The following TBC1D9B variants were observed in gnomAD, a reference collection of about 807,000 sequenced individuals.
The protein encoded by TBC1D9B is TBC1 domain family member 9B.
A neutral mutation model predicts 121.1 loss-of-function variants in TBC1D9B; 87 were observed. The observed-to-expected ratio is 0.72, with a 90% confidence interval of 0.60 to 0.86. The LOEUF (loss-of-function observed/expected upper bound fraction) is 0.86. TBC1D9B is among the 40% of genes least tolerant of loss of function. TBC1D9B has a pLI of 0.00. For synonymous variants in TBC1D9B, 668 were observed against 670.1 expected, an observed-to-expected ratio of 1.00 and a Z score of 0.05; for missense variants, 1,540 against 1,628.6, an observed-to-expected ratio of 0.95 and a Z score of 0.94.
chr5:179,904,916 AG>A lies in TBC1D9B; in HGVS notation c.119-105del. The A allele has an allele frequency of 2.3e-6, 2 of 864,322 alleles. No homozygotes were observed. Among genetic ancestry groups the A allele is most frequent in the Non-Finnish European group, 3.5e-6 (2 of 568,574 alleles). The allele number at this position is 864,322 out of a possible 1,614,324, so 53.5% of individuals were successfully genotyped here. The stretch of plus-strand genomic sequence containing the variant: ...CAGACAGGATGGTGACGCTACCCAA[AG>A]GGTCCAGCCCAACGAGGGAAACGTC... On this transcript the variant is annotated intron_variant, in intron 1 of 20. Coordinates refer to ENST00000355235, the MANE Select transcript of TBC1D9B (RefSeq NM_015043.4). The surrounding 1 kb of genome is among the most constrained non-coding windows in gnomAD (Gnocchi z 4.2).
chr5:179,901,123 A>G (rs1249684673), intron 2 of TBC1D9B, among the ~76,000 whole-genome samples: 1 of 152,208 alleles, frequency 6.6e-6, no homozygotes, highest in African/African-American at 2.4e-5. Context: ...GGCCTGGGGG[A>G]GGATGCCCAC....
At chr5:179,867,991 C>G (rs559002464) in intron 17 of TBC1D9B, 142 bp from the exon 18 acceptor site, 2 of 608,054 alleles carry the variant, frequency 3.3e-6, no homozygotes, top group Non-Finnish European at 5.1e-6. Flanking sequence ...TGACAGTGCC[C>G]GGTAATAGTT....
At position 179,902,407 on chromosome 5, in the gene TBC1D9B, GACTC is replaced by G. The variant is rs1761189101; in HGVS notation, c.229+2291_229+2294del. Among the ~76,000 whole-genome samples, 3 of 152,336 alleles carry G rather than the reference GACTC, an allele frequency of 2.0e-5. No homozygotes were observed. Among genetic ancestry groups the G allele is most frequent in the Admixed American group, 2.0e-4 (3 of 15,310 alleles). ...CTCGAACACCAGGCTCAAGGGTCAG[GACTC>G]ACTAAGCAGGTGCTGGCAGGGCCAT... On this transcript the variant is annotated intron_variant, in intron 2 of 20. Transcript: ENST00000355235. This position sits in a 1 kb window ranked among gnomAD's most constrained non-coding sequence, Gnocchi z 4.9.
chr5:179,893,528 C>T, intron 4 of TBC1D9B, 61 bp from the exon 5 acceptor site: 1 of 1,541,646 alleles, frequency 6.5e-7, no homozygotes, highest in South Asian at 1.2e-5. Context: ...GCTCCTGATG[C>T]CCATCTGTAC....
chr5:179,901,016 C>T (rs960691670), intron 2 of TBC1D9B, among the ~76,000 whole-genome samples: 2 of 152,172 alleles, frequency 1.3e-5, no homozygotes, highest in Non-Finnish European at 2.9e-5. Flanking sequence ...TGTCACAGCC[C>T]GGCTGTTCTG....
chr5:179,876,058 C>T (rs371085267), intron 10 of TBC1D9B, 21 bp from the exon 11 acceptor site: 233 of 1,606,796 alleles, frequency 1.5e-4, no homozygotes, highest in Admixed American at 3.5e-4. Flanking sequence ...CAGAGACAGC[C>T]GGGGAAGGCT....
intron 6 of TBC1D9B, among the ~76,000 whole-genome samples, chr5:179,889,949 T>A (rs1486918287): frequency 2.0e-5 from 3 of 146,396 alleles, no homozygotes; most frequent in Non-Finnish European, 4.5e-5. Context: ...GATGATGGTG[T>A]CTTAGGTGGT....
At chr5:179,871,104 A>G (rs997645134) in intron 15 of TBC1D9B, among the ~76,000 whole-genome samples, 3 of 152,218 alleles carry the variant, frequency 2.0e-5, no homozygotes, top group Non-Finnish European at 4.4e-5. Flanking sequence ...AGAGGACATC[A>G]GAGATGGGGA....
At position 179,879,157 on chromosome 5, in the gene TBC1D9B, A is replaced by T; in HGVS notation, c.1457T>A (p.Phe486Tyr). The T allele has an allele frequency of 6.2e-7, 1 of 1,606,072 alleles. No individual in the cohort carries two copies. The highest frequency in any genetic ancestry group is 1.3e-5 in the African/African-American group (1 of 75,034). ...GCACACGCCACGCCCGTACTCGAAG[A>T]AGTGGATGTGCCATGACTCCTCTTT... ...KMKEESWHIH[F>Y]FEYGRGVCMY... The change falls in exon 9 of 21, where the codon TTC becomes TAC. Residue 486 changes from phenylalanine to tyrosine, a missense_variant. Coordinates refer to ENST00000355235, the MANE Select transcript of TBC1D9B (RefSeq NM_015043.4).
At chr5:179,869,353 G>A (rs1388882436) in intron 17 of TBC1D9B, 2 of 362,998 alleles carry the variant, frequency 5.5e-6, no homozygotes, top group Non-Finnish European at 1.1e-5. Flanking sequence ...AGAGGCCAGA[G>A]AGAAGTGGCC....
intron 15 of TBC1D9B, among the ~76,000 whole-genome samples, chr5:179,871,182 G>A (rs979472869): frequency 1.3e-4 from 20 of 152,178 alleles, no homozygotes; most frequent in Admixed American, 7.2e-4. Flanking sequence ...AGACTTTTCA[G>A]TCTAGCAATA....
At chr5:179,892,547 C>T (rs529187281) in intron 5 of TBC1D9B, among the ~76,000 whole-genome samples, 37 of 152,356 alleles carry the variant, frequency 2.4e-4, no homozygotes, top group African/African-American at 8.4e-4. Context: ...CGTTAAGTAG[C>T]CCGGGAGGGC....
chr5:179,871,340 CTGTT>C, intron 15 of TBC1D9B, 118 bp downstream of exon 15: 7 of 992,054 alleles, frequency 7.1e-6, no homozygotes, highest in Non-Finnish European at 1.0e-5. Flanking sequence ...AGATCTGTTT[CTGTT>C]TTTCTATTCT....
intron 16 of TBC1D9B, 132 bp downstream of exon 16, chr5:179,870,123 T>C: frequency 1.4e-6 from 2 of 1,448,986 alleles, no homozygotes; most frequent in Non-Finnish European, 1.9e-6. Context: ...GTTCTTCCCG[T>C]ATCTAGGGCC....
intron 3 of TBC1D9B, among the ~76,000 whole-genome samples, chr5:179,897,661 T>C (rs1021815792): frequency 6.6e-6 from 1 of 152,252 alleles, no homozygotes; most frequent in Non-Finnish European, 1.5e-5. Context: ...ATTTCTTCCT[T>C]GGCCTATGAG....
chr5:179,870,090 A>T (rs1257563683), intron 16 of TBC1D9B, among the ~76,000 whole-genome samples, 165 bp downstream of exon 16: 1 of 152,028 alleles, frequency 6.6e-6, no homozygotes, highest in African/African-American at 2.4e-5. Context: ...GCTGGACCCC[A>T]TCTCGGCTCC....
At chr5:179,868,130 T>C (rs1760076682) in intron 17 of TBC1D9B, 1 of 248,508 alleles carries the variant, frequency 4.0e-6, no homozygotes, top group Non-Finnish European at 7.7e-6. Context: ...CTCCGCCTAC[T>C]GGGCTACAGT....
At chr5:179,883,090 C>T (rs1210823629) in intron 7 of TBC1D9B, among the ~76,000 whole-genome samples, 2 of 152,128 alleles carry the variant, frequency 1.3e-5, no homozygotes, top group Non-Finnish European at 2.9e-5. Context: ...AACTTCTGGC[C>T]TCAAGTGATC....
chr5:179,865,510 A>G lies in TBC1D9B; in HGVS notation c.2915-150T>C. 1.4e-6 allele frequency: 1 copy of G among 734,060 alleles called. No individual in the cohort carries two copies. Among genetic ancestry groups the G allele is most frequent in the South Asian group, 1.7e-5 (1 of 58,160 alleles). 45.5% of individuals were successfully genotyped at this position (734,060 alleles called of 1,614,324 possible). On this transcript the variant is annotated intron_variant, in intron 19 of 20. Transcript: ENST00000355235. This position sits in a 1 kb window ranked among gnomAD's most constrained non-coding sequence, Gnocchi z 5.1. ...GGCGTTTGGGAAGGTGGTCATGGGA[A>G]AAAAACCCAGAACAGCCACAGGTTT...
Sources: gnomAD v4.1 joint callset for allele counts (sites outside exome capture counted in the v4.1 genomes callset) on GRCh38, gnomAD v4.1.1 for gene constraint, Gnocchi (gnomAD v3.1) non-coding constraint, MANE v1.5 for transcripts, NCBI Gene and HGNC (gene_info 2026-07-23, HGNC 2026-07-21) for gene names.